Variants in LTBP1 observed in about 807,000 individuals in gnomAD.
The protein encoded by LTBP1 is latent-transforming growth factor beta-binding protein 1.
In LTBP1, 129 loss-of-function variants were observed where a neutral mutation model predicts 207.6. That is an observed-to-expected ratio of 0.62 (90% confidence interval 0.54 to 0.72). The LOEUF is 0.72. Ranked by LOEUF, LTBP1 falls within the 30% of genes least tolerant of loss-of-function variation. LTBP1 has a pLI of 0.00. For missense variants in LTBP1, 2,281 were observed against 2,217.2 expected (o/e 1.03, Z -0.58); for synonymous variants, 963 against 833.7 (o/e 1.16, Z -2.67).
intron 10 of LTBP1, among the ~76,000 whole-genome samples, chr2:33,244,682 A>G (rs2092449180): frequency 6.6e-6 from 1 of 152,172 alleles, no homozygotes; most frequent in African/African-American, 2.4e-5. Flanking sequence ...TATGTTGCCT[A>G]GGCTGGACTC....
intron 18 of LTBP1, among the ~76,000 whole-genome samples, chr2:33,277,013 G>A (rs1227039123): frequency 6.6e-6 from 1 of 152,212 alleles, no homozygotes; most frequent in Non-Finnish European, 1.5e-5. Context: ...GTTCCTTGGG[G>A]TTCCCTGCCT....
chr2:33,147,477 C>CCACT (rs1219989875), intron 5 of LTBP1, among the ~76,000 whole-genome samples: 2 of 152,212 alleles, frequency 1.3e-5, no homozygotes, highest in Non-Finnish European at 2.9e-5. Context: ...TATTATTAAT[C>CCACT]CACTCTGATA....
chr2:33,142,280 C>T (rs1178072102), intron 5 of LTBP1, among the ~76,000 whole-genome samples: 1 of 152,198 alleles, frequency 6.6e-6, no homozygotes, highest in African/African-American at 2.4e-5. Context: ...TGGTCTCGAT[C>T]TCCTGATCTC....
At chr2:33,187,471 T>C (rs980544184) in intron 6 of LTBP1, among the ~76,000 whole-genome samples, 2 of 152,210 alleles carry the variant, frequency 1.3e-5, no homozygotes, top group African/African-American at 4.8e-5. Context: ...AACTTCACAA[T>C]TGAAGAATGC....
chr2:33,292,441 C>A (rs1281280991), intron 19 of LTBP1, among the ~76,000 whole-genome samples: 1 of 152,208 alleles, frequency 6.6e-6, no homozygotes, highest in African/African-American at 2.4e-5. Context: ...TATTGAACTT[C>A]TCTAAGCTTC....
intron 3 of LTBP1, among the ~76,000 whole-genome samples, chr2:33,078,749 G>A (rs1226505327): frequency 6.6e-6 from 1 of 151,960 alleles, no homozygotes; most frequent in African/African-American, 2.4e-5. Context: ...CTAAGCTGGA[G>A]TCTATATTAC....
intron 15 of LTBP1, among the ~76,000 whole-genome samples, chr2:33,269,940 A>AT (rs2093277718): frequency 6.7e-6 from 1 of 149,620 alleles, no homozygotes; most frequent in East Asian, 2.0e-4. Context: ...AGTACCAGTA[A>AT]TTTATTTTTT....
At chr2:33,099,799 T>C (rs1200565159) in intron 3 of LTBP1, among the ~76,000 whole-genome samples, 1 of 152,138 alleles carries the variant, frequency 6.6e-6, no homozygotes, top group Non-Finnish European at 1.5e-5. Flanking sequence ...TGTGGGTGCC[T>C]CTCATAGTGC....
At chr2:33,198,510 T>C (rs1433760897) in intron 7 of LTBP1, among the ~76,000 whole-genome samples, 5 of 152,238 alleles carry the variant, frequency 3.3e-5, no homozygotes, top group Non-Finnish European at 7.3e-5. Flanking sequence ...AGAATTCGGC[T>C]GTGAATCCAT....
At chr2:33,141,397 AG>A (rs2082635199) in intron 5 of LTBP1, among the ~76,000 whole-genome samples, 1 of 152,250 alleles carries the variant, frequency 6.6e-6, no homozygotes, top group African/African-American at 2.4e-5. Context: ...CCTGAACCAC[AG>A]CACTTAAGAA....
At chr2:33,268,252 G>T (rs1465923930) in intron 15 of LTBP1, among the ~76,000 whole-genome samples, 1 of 152,160 alleles carries the variant, frequency 6.6e-6, no homozygotes, top group Non-Finnish European at 1.5e-5. Context: ...ACAGATTTAA[G>T]GAGCAATCTC....
chr2:33,298,396 A>G (rs901125107), intron 20 of LTBP1, among the ~76,000 whole-genome samples: 6 of 152,214 alleles, frequency 3.9e-5, no homozygotes, highest in Non-Finnish European at 4.4e-5. Context: ...TGGAGGGTCT[A>G]TCTCTGTTGC....
At chr2:33,383,677 C>T (rs900180318) in intron 31 of LTBP1, among the ~76,000 whole-genome samples, 1 of 152,124 alleles carries the variant, frequency 6.6e-6, no homozygotes, top group Non-Finnish European at 1.5e-5. Context: ...CCTCTAGCCT[C>T]AGTGTGCCGC....
At chr2:33,013,965 G>C (rs371732089) in intron 2 of LTBP1, among the ~76,000 whole-genome samples, 10 of 152,212 alleles carry the variant, frequency 6.6e-5, no homozygotes, top group African/African-American at 2.2e-4. Flanking sequence ...TCAACTATCT[G>C]GTTGGTGAAG....
At chr2:33,371,222 C>G (rs1039549132) in intron 31 of LTBP1, among the ~76,000 whole-genome samples, 2 of 152,176 alleles carry the variant, frequency 1.3e-5, no homozygotes, top group Non-Finnish European at 2.9e-5. Flanking sequence ...GGAGGAAGTT[C>G]CTGATTTTTC....
At chr2:33,210,149 A>T (rs1012933577) in intron 7 of LTBP1, among the ~76,000 whole-genome samples, 2 of 152,254 alleles carry the variant, frequency 1.3e-5, no homozygotes, top group African/African-American at 4.8e-5. Context: ...GCTGCAAGGC[A>T]AGTAGATATC....
At chr2:33,118,473 C>T (rs573726460) in intron 4 of LTBP1, among the ~76,000 whole-genome samples, 12 of 152,318 alleles carry the variant, frequency 7.9e-5, no homozygotes, top group South Asian at 2.1e-4. Context: ...GTATGGGAAT[C>T]GGGAACCTTG....
chr2:33,122,884 T>G (rs1170629186), intron 4 of LTBP1, among the ~76,000 whole-genome samples: 1 of 152,180 alleles, frequency 6.6e-6, no homozygotes, highest in East Asian at 1.9e-4. Context: ...TTGAACATCC[T>G]GTTGCTTGAG....
intron 3 of LTBP1, among the ~76,000 whole-genome samples, chr2:33,066,879 A>C (rs1194853985): frequency 6.6e-6 from 1 of 152,242 alleles, no homozygotes; most frequent in Non-Finnish European, 1.5e-5. Flanking sequence ...AAATGTGTTC[A>C]GAGAAAACAA....
Sources: allele counts gnomAD v4.1 joint callset (sites outside exome capture counted in the v4.1 genomes callset), GRCh38; gene constraint gnomAD v4.1.1; transcripts MANE v1.5; gene names NCBI Gene and HGNC (gene_info 2026-07-23, HGNC 2026-07-21).